DCDC1: variants seen among roughly 807,000 people sequenced by gnomAD.
DCDC1 encodes doublecortin domain containing 1.
DCDC1 carries 200 observed loss-of-function variants against 178.3 expected under a neutral mutation model. That is an observed-to-expected ratio of 1.12 (90% CI 1.00 to 1.26). The LOEUF is 1.26. Among genes scored for constraint, DCDC1 ranks in the 50% most tolerant of loss-of-function variants. The pLI is 0.00. For synonymous variants in DCDC1, 690 were observed against 604.8 expected, an observed-to-expected ratio of 1.14 and a Z score of -2.07; for missense variants, 1,983 against 1,749.2, an observed-to-expected ratio of 1.13 and a Z score of -2.38.
chr11:30,958,897 T>A lies in DCDC1; in HGVS notation c.2592-6329A>T, dbSNP rs553482996. Among the ~76,000 whole-genome samples, 34 of 152,202 alleles carry A rather than the reference T, an allele frequency of 2.2e-4. 1 individual carries two copies. In the South Asian group the frequency reaches 4.2e-3, roughly 19 times the overall value. On this transcript the variant is annotated intron_variant, in intron 20 of 38. Coordinates refer to ENST00000684477, the MANE Select transcript of DCDC1 (RefSeq NM_001387274.1). ...CCCCTACACAGTGGAGGCAAAGGTC[T>A]GAAACCCAGGGGACCTTGGGGACAT...
chr11:30,965,734 A>C (rs373248467), intron 20 of DCDC1, among the ~76,000 whole-genome samples: 1 of 139,172 alleles, frequency 7.2e-6, no homozygotes, highest in African/African-American at 2.8e-5. Flanking sequence ...TATATCTCCC[A>C]ATGCTATCCC....
intron 3 of DCDC1, among the ~76,000 whole-genome samples, chr11:31,322,949 A>T (rs555312279): frequency 1.6e-4 from 24 of 152,322 alleles, no homozygotes; most frequent in African/African-American, 5.5e-4. Flanking sequence ...GACAATCCGA[A>T]TTACTTTTGC....
Position 31,110,144 on chromosome 11 carries a change from T to A in DCDC1, c.1587+116A>T. 3 of 602,496 alleles carry A rather than the reference T, an allele frequency of 5.0e-6. 1 individual carries two copies. Among genetic ancestry groups the A allele is most frequent in the South Asian group, 4.1e-5 (2 of 48,922 alleles). The allele number at this position is 602,496 out of a possible 1,614,324, so 37.3% of individuals were successfully genotyped here. On this transcript the variant is annotated intron_variant, in intron 12 of 38. Transcript: ENST00000684477. ...AGTAAATCTTTGTGATATCAGTCTT[T>A]ACAGATCAACAAACCATTGATCTTC...
rs554591972 is a variant in DCDC1 at position 30,997,918 on chromosome 11, G to T, written c.2592-45350C>A. ...GAGATTAAGACTTCTGAACAAAATA[G>T]CTGATTCTATATTGCAGCAAGGAAC... On this transcript the variant is annotated intron_variant, in intron 20 of 38. Coordinates refer to ENST00000684477, the MANE Select transcript of DCDC1 (RefSeq NM_001387274.1). Among the ~76,000 whole-genome samples the T allele has an allele frequency of 6.9e-4, 105 of 152,156 alleles. 1 individual carries two copies. Among genetic ancestry groups the T allele is most frequent in the African/African-American group, 2.5e-3 (102 of 41,540 alleles).
rs368503716 is a variant in DCDC1 at position 30,892,949 on chromosome 11, T to A, written c.4951A>T (p.Ile1651Phe). 1 of 1,613,864 alleles carries A rather than the reference T, an allele frequency of 6.2e-7. No homozygotes were observed. The highest frequency in any genetic ancestry group is 1.1e-5 in the South Asian group (1 of 91,084). Residue 1651 changes from isoleucine to phenylalanine, a missense_variant, in exon 36 of 39, where the codon ATT (isoleucine) becomes TTT (phenylalanine). By Grantham distance (21) the Ile-to-Phe change is conservative (BLOSUM62 0). Coordinates refer to ENST00000684477, the MANE Select transcript of DCDC1 (RefSeq NM_001387274.1). The part of the protein sequence containing the change: ...QEMESKINFP[I>F]ATKRIAVKPS... ...TTGACTGCTATACGTTTGGTTGCAA[T>A]TGGAAAATTTATTTTGGATTCCATT...
chr11:31,089,562 T>G (rs1271052051), intron 17 of DCDC1, among the ~76,000 whole-genome samples: 1 of 151,912 alleles, frequency 6.6e-6, no homozygotes, highest in Non-Finnish European at 1.5e-5. Context: ...CTATAAATAC[T>G]CAGAAATTGG....
intron 10 of DCDC1, among the ~76,000 whole-genome samples, chr11:31,130,216 C>T (rs1048479435): frequency 2.6e-5 from 4 of 152,146 alleles, no homozygotes; most frequent in Admixed American, 1.3e-4. Context: ...GACCTTCCAG[C>T]ACTTAGTACC....
rs145736107 is a variant in DCDC1 at position 31,190,264 on chromosome 11, T to C, written c.1221+51186A>G. Among the ~76,000 whole-genome samples the C allele has an allele frequency of 6.2e-4, 94 of 152,284 alleles. 1 individual carries two copies. The highest frequency in any genetic ancestry group is 2.0e-3 in the African/African-American group (84 of 41,568). On this transcript the variant is annotated intron_variant, in intron 9 of 38. Transcript: ENST00000684477. The stretch of plus-strand genomic sequence containing the variant: ...AACAACCAAAAGGTTAGTTACATTA[T>C]CTACATTTATAGATCTGGAAACTGA...
At chr11:31,144,297 G>A (rs1052339898) in intron 9 of DCDC1, among the ~76,000 whole-genome samples, 2 of 151,840 alleles carry the variant, frequency 1.3e-5, no homozygotes, top group Non-Finnish European at 2.9e-5. Flanking sequence ...ACCACGCCTG[G>A]CTAATATTTT....
intron 9 of DCDC1, among the ~76,000 whole-genome samples, chr11:31,176,115 A>G (rs1310865453): frequency 1.3e-5 from 2 of 152,358 alleles, no homozygotes; most frequent in Non-Finnish European, 2.9e-5. Context: ...AAGGAAACTG[A>G]GCAAGATACA....
At chr11:31,353,921 A>C (rs1951197555) in intron 1 of DCDC1, among the ~76,000 whole-genome samples, 1 of 152,218 alleles carries the variant, frequency 6.6e-6, no homozygotes, top group Non-Finnish European at 1.5e-5. Flanking sequence ...TAAGAAGTAC[A>C]TTGTAAGATT....
chr11:30,968,033 C>T (rs958726972), intron 20 of DCDC1, among the ~76,000 whole-genome samples: 1 of 152,062 alleles, frequency 6.6e-6, no homozygotes, highest in African/African-American at 2.4e-5. Flanking sequence ...TGGGAAACAC[C>T]ATCCAACACA....
chr11:31,168,147 T>C (rs554327767), intron 9 of DCDC1, among the ~76,000 whole-genome samples: 1 of 152,312 alleles, frequency 6.6e-6, no homozygotes, highest in East Asian at 1.9e-4. Flanking sequence ...TTCCTTTTCT[T>C]CTAACCCCAT....
chr11:30,957,638 C>G (rs1287600774), intron 20 of DCDC1, among the ~76,000 whole-genome samples: 1 of 152,180 alleles, frequency 6.6e-6, no homozygotes, highest in Non-Finnish European at 1.5e-5. Context: ...CTCTTTGCAA[C>G]AGAAAACAAC....
intron 9 of DCDC1, among the ~76,000 whole-genome samples, chr11:31,168,120 C>T (rs1467455506): frequency 6.6e-6 from 1 of 152,180 alleles, no homozygotes; most frequent in African/African-American, 2.4e-5. Context: ...GCTTTGATGA[C>T]AACCATCAAC....
chr11:31,158,630 C>A (rs558233570), intron 9 of DCDC1, among the ~76,000 whole-genome samples: 2 of 152,126 alleles, frequency 1.3e-5, no homozygotes, highest in Non-Finnish European at 1.5e-5. Flanking sequence ...TGAAGTATAG[C>A]CTTTCAAATT....
At chr11:31,342,259 C>A (rs1471449662) in intron 1 of DCDC1, among the ~76,000 whole-genome samples, 2 of 152,208 alleles carry the variant, frequency 1.3e-5, no homozygotes, top group Non-Finnish European at 2.9e-5. Flanking sequence ...AACTAACTTA[C>A]ACGCACAAAC....
intron 7 of DCDC1, among the ~76,000 whole-genome samples, chr11:31,275,391 A>G (rs569333387): frequency 1.3e-5 from 2 of 152,284 alleles, no homozygotes; most frequent in East Asian, 3.9e-4. Context: ...CCTATCCAAT[A>G]TCCATTCTCC....
At chr11:30,988,498 T>A (rs1950785514) in intron 20 of DCDC1, among the ~76,000 whole-genome samples, 1 of 152,006 alleles carries the variant, frequency 6.6e-6, no homozygotes, top group South Asian at 2.1e-4. Context: ...TTTGGTCACC[T>A]CTGTGACCTA....
Sources: gnomAD v4.1 joint callset for allele counts (sites outside exome capture counted in the v4.1 genomes callset) on GRCh38, gnomAD v4.1.1 for gene constraint, MANE v1.5 for transcripts, NCBI Gene and HGNC (gene_info 2026-07-23, HGNC 2026-07-21) for gene names.